INSR: variants seen among roughly 807,000 people sequenced by gnomAD.
The protein encoded by INSR is insulin receptor.
A neutral mutation model predicts 142.6 loss-of-function variants in INSR; 67 were observed. That is an observed-to-expected ratio of 0.47 (90% CI 0.39 to 0.58). INSR has a LOEUF of 0.58. Ranked by LOEUF, INSR falls within the 20% of genes least tolerant of loss-of-function variation. The pLI is 0.00. For synonymous variants in INSR, 756 were observed against 743.1 expected, an observed-to-expected ratio of 1.02 and a Z score of -0.28; for missense variants, 1,248 against 1,833.2, an observed-to-expected ratio of 0.68 and a Z score of 5.83.
intron 2 of INSR, among the ~76,000 whole-genome samples, chr19:7,248,783 A>C (rs1213056516): frequency 1.5e-5 from 1 of 68,226 alleles, no homozygotes; most frequent in Non-Finnish European, 2.4e-5. Flanking sequence ...TTTGAGACGG[A>C]GTCTCACTCT....
At chr19:7,163,948 A>AAAAAAAAAAAAAATATATATATATATAT (rs1411048837) in intron 8 of INSR, among the ~76,000 whole-genome samples, 2 of 136,032 alleles carry the variant, frequency 1.5e-5, no homozygotes, top group African/African-American at 6.3e-5. Context: ...AAAAAAAAAA[A>AAAAAAAAAAAAAATATATATATATATAT]ATTAGCTGGA....
chr19:7,193,842 ACC>A (rs1974665201), intron 2 of INSR, among the ~76,000 whole-genome samples: 1 of 151,806 alleles, frequency 6.6e-6, no homozygotes, highest in Non-Finnish European at 1.5e-5. Flanking sequence ...GGCGTACACC[ACC>A]ATGCTTGGCT....
chr19:7,258,122 G>A (rs548296694), intron 2 of INSR, among the ~76,000 whole-genome samples: 8 of 152,198 alleles, frequency 5.3e-5, no homozygotes, highest in East Asian at 1.9e-4. Flanking sequence ...CACCATGCCC[G>A]GCCAAAAATG....
intron 3 of INSR, among the ~76,000 whole-genome samples, chr19:7,179,229 G>A (rs367815491): frequency 2.0e-5 from 3 of 152,148 alleles, no homozygotes; most frequent in East Asian, 3.8e-4. Context: ...TTTTCATTCT[G>A]TGAGTTCCTT....
intron 2 of INSR, among the ~76,000 whole-genome samples, chr19:7,232,773 G>A (rs1360378650): frequency 6.6e-6 from 1 of 151,630 alleles, no homozygotes; most frequent in African/African-American, 2.4e-5. Context: ...TCCCGCCACT[G>A]CACTCCAGCC....
In INSR at chr19:7,278,504, GA is replaced by G. The variant is rs377745044; in HGVS notation, c.101-10609del. Reference sequence around the variant, plus strand: ...CCGGAGAAGACCAACAATTTCCAGGGATCATGGACCCACCAGGGAGGATGAG... The same window carrying G: ...CCGGAGAAGACCAACAATTTCCAGGGTCATGGACCCACCAGGGAGGATGAG... On this transcript the variant is annotated intron_variant, in intron 1 of 21. Coordinates refer to ENST00000302850, the MANE Select transcript of INSR (RefSeq NM_000208.4). Among the ~76,000 whole-genome samples, 183 of 152,304 alleles carry G rather than the reference GA, an allele frequency of 1.2e-3. 3 individuals are homozygous for G. Among genetic ancestry groups the G allele is most frequent in the African/African-American group, 4.2e-3 (175 of 41,568 alleles).
chr19:7,131,687 CTT>C (rs371571877), intron 14 of INSR, among the ~76,000 whole-genome samples: 36 of 121,974 alleles, frequency 3.0e-4, no homozygotes, highest in African/African-American at 2.6e-4. Flanking sequence ...ACCTCTGAAA[CTT>C]TTTTTTTTTT....
At chr19:7,135,304 CTTTTTTTTTTTTTTT>C (rs34080394) in intron 13 of INSR, among the ~76,000 whole-genome samples, 2 of 60,034 alleles carry the variant, frequency 3.3e-5, no homozygotes, top group African/African-American at 7.8e-5. Context: ...AATGCATCTT[CTTTTTTTTTTTTTTT>C]TTTTTTTTTT....
At chr19:7,226,143 C>G (rs1975772698) in intron 2 of INSR, among the ~76,000 whole-genome samples, 2 of 152,220 alleles carry the variant, frequency 1.3e-5, no homozygotes. Flanking sequence ...TGTGGTGCCT[C>G]ACGCCTGTAA....
intron 17 of INSR, among the ~76,000 whole-genome samples, chr19:7,124,540 GGAAAAAAAAA>G (rs1972576610): frequency 1.9e-4 from 2 of 10,810 alleles, no homozygotes; most frequent in Non-Finnish European, 3.0e-4. Context: ...CTCCGTTTCA[GGAAAAAAAAA>G]AAAAAAAAAA....
At chr19:7,219,268 C>A (rs1364836464) in intron 2 of INSR, among the ~76,000 whole-genome samples, 3 of 152,260 alleles carry the variant, frequency 2.0e-5, no homozygotes, top group East Asian at 1.9e-4. Flanking sequence ...ACCTTTCCAA[C>A]CTCCACACTG....
intron 2 of INSR, among the ~76,000 whole-genome samples, chr19:7,257,933 C>T (rs1175976856): frequency 2.6e-5 from 4 of 152,194 alleles, no homozygotes; most frequent in Non-Finnish European, 5.9e-5. Context: ...AGTGATTCTC[C>T]TGCCTCAGCC....
At chr19:7,148,890 G>A (rs932805362) in intron 11 of INSR, among the ~76,000 whole-genome samples, 1 of 149,662 alleles carries the variant, frequency 6.7e-6, no homozygotes, top group East Asian at 2.0e-4. Context: ...CGCGTCCCAG[G>A]TTCACGCCAT....
chr19:7,190,395 C>T (rs1974548051), intron 2 of INSR, among the ~76,000 whole-genome samples: 1 of 122,710 alleles, frequency 8.1e-6, no homozygotes, highest in Admixed American at 9.7e-5. Flanking sequence ...TTTTTTGAGA[C>T]AGAGTCTCAC....
chr19:7,132,216 G>C lies in INSR; in HGVS notation c.2784C>G (p.Thr928=). 6.2e-7 allele frequency: 1 copy of C among 1,614,220 alleles called. No individual in the cohort carries two copies. The change falls in exon 14 of 22, where the codon ACC becomes ACG. Residue 928 remains threonine, a synonymous_variant. Coordinates refer to ENST00000302850, the MANE Select transcript of INSR (RefSeq NM_000208.4). ...TCCAAGAGCCGTTGCCCGCAAGGGA[G>C]GTGGCCCGGATTCGCACGCTGTAGT... ...PGNYSVRIRA[T]SLAGNGSWTE...
chr19:7,287,664 G>A (rs546016287), intron 1 of INSR, among the ~76,000 whole-genome samples: 2 of 152,120 alleles, frequency 1.3e-5, no homozygotes, highest in South Asian at 2.1e-4. Context: ...CTTGGAATCC[G>A]TATATTCAGT....
chr19:7,230,357 A>G (rs982603095), intron 2 of INSR, among the ~76,000 whole-genome samples: 1 of 152,194 alleles, frequency 6.6e-6, no homozygotes, highest in African/African-American at 2.4e-5. Context: ...TAGCAGCTGG[A>G]TCACTTTGAG....
At chr19:7,253,807 T>C (rs1046081088) in intron 2 of INSR, among the ~76,000 whole-genome samples, 1 of 151,832 alleles carries the variant, frequency 6.6e-6, no homozygotes, top group African/African-American at 2.4e-5. Flanking sequence ...GGCTGGTGGA[T>C]CATTTGAGGC....
rs199750451 is a variant in INSR, at chr19:7,184,661, G to GAGAGAGAGAGAGAGA, written c.653-25_653-24insTCTCTCTCTCTCTCT. 70 of 1,294,358 alleles carry GAGAGAGAGAGAGAGA rather than the reference G, an allele frequency of 5.4e-5. No homozygotes were observed. The African/African-American group carries it at 8.4e-4, about 16-fold the overall frequency. 80.2% of individuals were successfully genotyped at this position (1,294,358 alleles called of 1,614,324 possible). ...AACTGGAGAGAGAGAGAGAGAGAGA[G>GAGAGAGAGAGAGAGA]GGAAATAAATAAATAAATAAATAAA... On this transcript the variant is annotated intron_variant, in intron 2 of 21. Transcript: ENST00000302850.
Sources: gnomAD v4.1 joint callset for allele counts (sites outside exome capture counted in the v4.1 genomes callset) on GRCh38, gnomAD v4.1.1 for gene constraint, MANE v1.5 for transcripts, NCBI Gene and HGNC (gene_info 2026-07-23, HGNC 2026-07-21) for gene names.